Variants in RP1 observed in about 807,000 individuals in gnomAD.
RP1 encodes the protein RP1 axonemal microtubule associated.
RP1 carries 16 observed loss-of-function variants against 14.8 expected under a neutral mutation model. The observed-to-expected ratio is 1.08, with a 90% CI of 0.73 to 1.65. RP1 has a LOEUF of 1.65. Ranked by LOEUF, RP1 falls within the 40% of genes most tolerant of loss-of-function variation. The pLI, the probability that RP1 is intolerant of heterozygous loss-of-function variation, is 0.00. For synonymous variants in RP1, 876 were observed against 883.6 expected (o/e 0.99, Z 0.15); for missense variants, 2,631 against 2,535.0 (o/e 1.04, Z -0.81).
intron 7 of RP1, among the ~76,000 whole-genome samples, chr8:54,670,763 T>A (rs1277582324): frequency 1.4e-5 from 2 of 146,936 alleles, no homozygotes; most frequent in East Asian, 4.0e-4. Flanking sequence ...CATTTTTTTG[T>A]CTCGTGACAG....
chr8:54,683,008 T>C (rs558254695), intron 12 of RP1, among the ~76,000 whole-genome samples: 2 of 152,326 alleles, frequency 1.3e-5, no homozygotes, highest in South Asian at 4.1e-4. Context: ...GTTTCCATTT[T>C]CTGCATATGG....
chr8:54,635,462 A>G (rs961127476), downstream of RP1, among the ~76,000 whole-genome samples: 3 of 152,208 alleles, frequency 2.0e-5, no homozygotes, highest in Non-Finnish European at 2.9e-5. Flanking sequence ...CATCACAGGA[A>G]TTCATTATAT....
At chr8:54,567,228 T>C (rs552367603) in intron 1 of RP1, among the ~76,000 whole-genome samples, 1 of 152,340 alleles carries the variant, frequency 6.6e-6, no homozygotes, top group African/African-American at 2.4e-5. Context: ...CTATTTGACA[T>C]GTTTGTCAGT....
rs78898106 is a variant in RP1 at position 54,805,502 on chromosome 8, C to T, written c.3615+21792C>T. Among the ~76,000 whole-genome samples the T allele has an allele frequency of 3.4e-3, 517 of 152,198 alleles. 7 individuals are homozygous for T. The highest frequency in any genetic ancestry group is 0.021 in the Admixed American group (317 of 15,288). ...ATATTTCACACCCATGACTTGAATC[C>T]TATTATTCTAAATGGCTTACCTGTT... On this transcript the variant is annotated intron_variant, in intron 24 of 28. Transcript: ENST00000637698.
downstream of RP1, among the ~76,000 whole-genome samples, chr8:54,631,374 G>A (rs1806243367): frequency 6.6e-6 from 1 of 152,162 alleles, no homozygotes; most frequent in African/African-American, 2.4e-5. Flanking sequence ...AGAAATTGTA[G>A]TGAATGAAAG....
chr8:54,657,875 CTG>C (rs1806790620), intron 6 of RP1, among the ~76,000 whole-genome samples: 1 of 152,192 alleles, frequency 6.6e-6, no homozygotes. Flanking sequence ...GGCTCACAGT[CTG>C]TGTGAGCTAC....
In RP1 at chr8:54,642,311, C is replaced by T. The variant is rs578133223; in HGVS notation, c.788-6674C>T. Among the ~76,000 whole-genome samples, 32 of 152,050 alleles carry T rather than the reference C, an allele frequency of 2.1e-4. 1 individual carries two copies. The South Asian group carries it at 6.6e-3, about 31-fold the overall frequency. Reference sequence around the variant, plus strand: ...CTATATATATTTTTCTCTTTACATACTTAACCAATTTAAAAAAGGTAAAAG... The same window carrying T: ...CTATATATATTTTTCTCTTTACATATTTAACCAATTTAAAAAAGGTAAAAG... On this transcript the variant is annotated intron_variant, in intron 3 of 22. Transcript: ENST00000636932.
intron 8 of RP1, among the ~76,000 whole-genome samples, chr8:54,677,300 A>G (rs1807313924): frequency 6.6e-6 from 1 of 152,024 alleles, no homozygotes; most frequent in South Asian, 2.1e-4. Context: ...CCTCCTGGTG[A>G]TGCAGATGCA....
intron 1 of RP1, among the ~76,000 whole-genome samples, chr8:54,605,670 G>A (rs1805418215): frequency 6.6e-6 from 1 of 152,178 alleles, no homozygotes; most frequent in African/African-American, 2.4e-5. Context: ...TTGTGTGGGA[G>A]TCTAAGTCTC....
chr8:54,718,156 A>G (rs1808448415), intron 15 of RP1, among the ~76,000 whole-genome samples: 1 of 152,186 alleles, frequency 6.6e-6, no homozygotes, highest in Non-Finnish European at 1.5e-5. Flanking sequence ...CAACTTTATC[A>G]TAGATTCAAT....
At chr8:54,706,726 C>T in intron 15 of RP1, 23 of 1,448,960 alleles carry the variant, frequency 1.6e-5, no homozygotes, top group Non-Finnish European at 2.0e-5. Context: ...GAGAATAGCA[C>T]TTTCTGAGTG....
chr8:54,695,018 C>T (rs868868610), intron 12 of RP1, among the ~76,000 whole-genome samples: 22 of 151,784 alleles, frequency 1.4e-4, no homozygotes, highest in Non-Finnish European at 2.7e-4. Flanking sequence ...TGGTATGTTG[C>T]GTCTTTGTTC....
At position 54,684,186 on chromosome 8, in the gene RP1, T is replaced by G. The variant is rs150635322; in HGVS notation, c.1717+4253T>G. ...CCAACTTGATCGTGATGGATAAGCT[T>G]TTTGATGTGCTGTTGTATCTGTTTG... On this transcript the variant is annotated intron_variant, in intron 12 of 22. Transcript: ENST00000636932. 5.1e-3 allele frequency among the ~76,000 whole-genome samples: 776 copies of G among 152,214 alleles called. 2 individuals carry two copies. Among genetic ancestry groups the G allele is most frequent in the Middle Eastern group, 0.01 (3 of 294 alleles).
chr8:54,763,819 A>T (rs1181601732), intron 22 of RP1, among the ~76,000 whole-genome samples: 2 of 152,244 alleles, frequency 1.3e-5, no homozygotes, highest in Admixed American at 6.5e-5. Context: ...AGGAATAAGG[A>T]CATAATGCTC....
intron 6 of RP1, among the ~76,000 whole-genome samples, chr8:54,660,421 A>G (rs545434498): frequency 2.6e-4 from 39 of 152,280 alleles, no homozygotes; most frequent in African/African-American, 9.1e-4. Flanking sequence ...CTTTTTCTGC[A>G]TTGATGAAGT....
Position 54,621,481 on chromosome 8 carries a change from T to C in RP1, c.515T>C (p.Leu172Pro), listed in dbSNP as rs180729424. The C allele has an allele frequency of 2.5e-6, 4 of 1,614,078 alleles. No homozygotes were observed. The African/African-American group carries it at 4.0e-5, about 16-fold the overall frequency. ...GDPKTRRAVL[L>P]SRRVTQSFEA... ...CCGAAGACGAGGCGTGCGGTTCTTC[T>C]GAGCAGGAGGGTCACCCAGAGCTTC... is the stretch of plus-strand genomic sequence containing the variant. The change falls in exon 2 of 4, where the codon CTG becomes CCG. Residue 172 changes from leucine (L) to proline (P), a missense_variant. Transcript: ENST00000220676.
At chr8:54,822,021 G>A (rs1170836247) in intron 24 of RP1, among the ~76,000 whole-genome samples, 1 of 152,202 alleles carries the variant, frequency 6.6e-6, no homozygotes, top group Non-Finnish European at 1.5e-5. Flanking sequence ...CATCATAATA[G>A]TGATAATAAT....
intron 12 of RP1, among the ~76,000 whole-genome samples, chr8:54,685,710 A>G (rs1807547508): frequency 6.6e-6 from 1 of 152,032 alleles, no homozygotes; most frequent in African/African-American, 2.4e-5. Context: ...GTGTTAGTGT[A>G]TTTCATGTGT....
chr8:54,757,996 C>G (rs548757272), intron 21 of RP1, among the ~76,000 whole-genome samples: 1 of 152,174 alleles, frequency 6.6e-6, no homozygotes, highest in East Asian at 1.9e-4. Flanking sequence ...CAGCATGGAG[C>G]CAATAGTTGT....
Sources: allele counts gnomAD v4.1 joint callset (sites outside exome capture counted in the v4.1 genomes callset), GRCh38; gene constraint gnomAD v4.1.1; transcripts MANE v1.5; gene names NCBI Gene and HGNC (gene_info 2026-07-23, HGNC 2026-07-21).